Variants in DRC7 observed in about 807,000 individuals in gnomAD.
DRC7 encodes the protein dynein regulatory complex subunit 7, also known as coiled-coil domain containing 135.
Under a neutral mutation model 104.4 loss-of-function variants are expected in DRC7, and 80 were observed. That is an observed-to-expected ratio of 0.77 (90% CI 0.64 to 0.92). DRC7 has a LOEUF of 0.92. Among genes scored for constraint, DRC7 ranks in the 40% least tolerant of loss-of-function variants. The probability of loss-of-function intolerance (pLI) is 0.00; values close to 1 mark genes in which losing one functional copy is unlikely to be tolerated. For synonymous variants in DRC7, 405 were observed against 447.3 expected (o/e 0.91, Z 1.19); for missense variants, 1,034 against 1,141.1 (o/e 0.91, Z 1.35).
intron 1 of DRC7, among the ~76,000 whole-genome samples, chr16:57,696,199 A>G (rs1203936472): frequency 9.2e-5 from 14 of 152,206 alleles, no homozygotes. Flanking sequence ...GGTGGTGTGG[A>G]ACAGGGACCC....
chr16:57,715,995 A>G (rs1232104403), intron 8 of DRC7, among the ~76,000 whole-genome samples: 11 of 152,208 alleles, frequency 7.2e-5, no homozygotes, highest in Admixed American at 6.5e-4. Flanking sequence ...TTGTTTCTTC[A>G]AAGAACCTTG....
chr16:57,731,581 GTCAGGTC>G lies in DRC7; in HGVS notation c.*325_*331del, dbSNP rs1383045747. ...TTCCTGTCCTTCTCTCCGTTGGAATGTCAGGTCTTCACAGCACCTCTGCAGATGGTCC... is the reference window on the plus strand; with the variant it reads ...TTCCTGTCCTTCTCTCCGTTGGAATGTTCACAGCACCTCTGCAGATGGTCC... On this transcript the variant is annotated 3_prime_UTR_variant, in exon 19 of 19. Transcript: ENST00000360716. The G allele has an allele frequency of 1.1e-5, 4 of 379,576 alleles. No homozygotes were observed. The highest frequency in any genetic ancestry group is 4.9e-6 in the Non-Finnish European group (1 of 205,258). The allele number at this position is 379,576 out of a possible 1,614,324, so 23.5% of individuals were successfully genotyped here.
chr16:57,709,653 G>A (rs750665538), intron 8 of DRC7, among the ~76,000 whole-genome samples: 1 of 151,644 alleles, frequency 6.6e-6, no homozygotes, highest in Non-Finnish European at 1.5e-5. Context: ...TTAAAATTGA[G>A]GTGTAATTGA....
intron 2 of DRC7, among the ~76,000 whole-genome samples, chr16:57,696,887 G>A (rs377501832): frequency 2.6e-5 from 4 of 152,248 alleles, no homozygotes; most frequent in South Asian, 4.1e-4. Context: ...TCACCTTACC[G>A]TTAGGATTTT....
At chr16:57,711,405 C>G (rs906578552) in intron 8 of DRC7, among the ~76,000 whole-genome samples, 19 of 152,224 alleles carry the variant, frequency 1.2e-4, no homozygotes, top group Admixed American at 6.5e-5. Context: ...GGGGCAGGCC[C>G]CAAAATCAGG....
chr16:57,728,635 A>G, intron 17 of DRC7, 51 bp downstream of exon 17: 1 of 1,458,746 alleles, frequency 6.9e-7, no homozygotes, highest in Non-Finnish European at 9.2e-7. Flanking sequence ...ATCTGCATCC[A>G]GGAAATGGGC....
chr16:57,716,045 A>T (rs1377870235), intron 8 of DRC7, among the ~76,000 whole-genome samples: 5 of 152,268 alleles, frequency 3.3e-5, no homozygotes, highest in Admixed American at 2.6e-4. Context: ...AGGCATCCAC[A>T]GAGTGACTGC....
At position 57,715,542 on chromosome 16, in the gene DRC7, C is replaced by G. The variant is rs958656038; in HGVS notation, c.1078-2805C>G. ...TCTGCCTTCAGCAAAGGAGATGCCT[C>G]TCATCACTCTGCCTCCCTTAGGCAC... On this transcript the variant is annotated intron_variant, in intron 8 of 18. Coordinates refer to ENST00000360716, the MANE Select transcript of DRC7 (RefSeq NM_001289162.2). 4.6e-5 allele frequency among the ~76,000 whole-genome samples: 7 copies of G among 152,352 alleles called. 1 individual carries two copies. Among genetic ancestry groups the G allele is most frequent in the African/African-American group, 1.7e-4 (7 of 41,580 alleles).
At chr16:57,703,950 G>A (rs1382957338) in intron 6 of DRC7, among the ~76,000 whole-genome samples, 1 of 118,676 alleles carries the variant, frequency 8.4e-6, no homozygotes, top group Non-Finnish European at 1.6e-5. Flanking sequence ...CTGGGCAACA[G>A]AGGGATACTC....
rs1244247511 is a variant in DRC7, at chr16:57,701,924, C to T, written c.505-12C>T. 4.3e-6 allele frequency: 7 copies of T among 1,611,326 alleles called. No individual in the cohort carries two copies. The highest frequency in any genetic ancestry group is 4.0e-5 in the African/African-American group (3 of 74,898). ...GGGGCCCCAGCTGTGCTGACCGTCC[C>T]ACTGTGACCAGCCCTCGCACCTGTA... On this transcript the variant is annotated splice_polypyrimidine_tract_variant and intron_variant, in intron 5 of 18. Coordinates refer to ENST00000360716, the MANE Select transcript of DRC7 (RefSeq NM_001289162.2).
chr16:57,700,128 C>G lies in DRC7; in HGVS notation c.379-17C>G. The G allele has an allele frequency of 6.2e-7, 1 of 1,612,392 alleles. No homozygotes were observed. On this transcript the variant is annotated splice_polypyrimidine_tract_variant and intron_variant, in intron 4 of 18. Coordinates refer to ENST00000360716, the MANE Select transcript of DRC7 (RefSeq NM_001289162.2). ...CTTATTGCCTTGACCCCACTGGCAC[C>G]ATCTCTCTCCTTGCAGAAGTTCGTG...
At chr16:57,700,318 T>A in intron 5 of DRC7, 48 bp downstream of exon 5, 1 of 1,574,022 alleles carries the variant, frequency 6.4e-7, no homozygotes, top group Non-Finnish European at 8.7e-7. Context: ...AGGACTAAGA[T>A]GGTGTGAGAA....
intron 6 of DRC7, 47 bp downstream of exon 6, chr16:57,702,177 C>G: frequency 6.3e-7 from 1 of 1,595,008 alleles, no homozygotes; most frequent in Non-Finnish European, 8.6e-7. Flanking sequence ...GATGAACATT[C>G]CCGGTGCTGT....
chr16:57,705,996 TCCATCCTCCCA>T (rs1355611582), intron 7 of DRC7, among the ~76,000 whole-genome samples: 3,229 of 94,088 alleles, frequency 0.034, 122 homozygotes, highest in Non-Finnish European at 0.051. Flanking sequence ...CTCCCATCCA[TCCATCCTCCCA>T]CCATCCTCCC....
chr16:57,701,885 C>T, intron 5 of DRC7, 51 bp from the exon 6 acceptor site: 1 of 1,513,390 alleles, frequency 6.6e-7, no homozygotes, highest in South Asian at 1.2e-5. Flanking sequence ...GTGGGGAGGA[C>T]AGGCTGGGGC....
intron 6 of DRC7, 109 bp downstream of exon 6, chr16:57,702,239 C>T: frequency 9.2e-7 from 1 of 1,090,958 alleles, no homozygotes; most frequent in Non-Finnish European, 1.3e-6. Flanking sequence ...CAGCCCTGGC[C>T]ACGCGGACAC....
intron 17 of DRC7, 35 bp downstream of exon 17, chr16:57,728,619 C>T: frequency 6.6e-7 from 1 of 1,511,006 alleles, no homozygotes; most frequent in Non-Finnish European, 8.9e-7. Flanking sequence ...AGGGGGGGAT[C>T]TCAGCATCTG....
intron 8 of DRC7, among the ~76,000 whole-genome samples, chr16:57,715,414 G>A (rs2048831995): frequency 6.6e-6 from 1 of 152,178 alleles, no homozygotes. Context: ...GTGTCAGAGG[G>A]GCGACTGCCA....
chr16:57,696,876 A>G (rs1286046545), intron 2 of DRC7, among the ~76,000 whole-genome samples: 2 of 152,180 alleles, frequency 1.3e-5, no homozygotes, highest in Admixed American at 6.5e-5. Flanking sequence ...TGTAGATCAT[A>G]TCACCTTACC....
Sources: gnomAD v4.1 joint callset for allele counts (sites outside exome capture counted in the v4.1 genomes callset) on GRCh38, gnomAD v4.1.1 for gene constraint, MANE v1.5 for transcripts, NCBI Gene and HGNC (gene_info 2026-07-23, HGNC 2026-07-21) for gene names.